The following KCNQ1 variants were observed in gnomAD, a reference collection of about 807,000 sequenced individuals.
The protein encoded by KCNQ1 is potassium voltage-gated channel subfamily KQT member 1.
In KCNQ1, 49 loss-of-function variants were observed where a neutral mutation model predicts 72.4. That is an observed-to-expected ratio of 0.68 (90% confidence interval 0.54 to 0.86). The LOEUF (loss-of-function observed/expected upper bound fraction) is 0.86, where lower values mean the gene tolerates loss of function less well. Ranked by LOEUF, KCNQ1 falls within the 40% of genes least tolerant of loss-of-function variation. The pLI is 0.00. For missense variants in KCNQ1, 790 were observed against 945.1 expected, an observed-to-expected ratio of 0.84 and a Z score of 2.15; for synonymous variants, 450 against 412.6, an observed-to-expected ratio of 1.09 and a Z score of -1.10.
rs182579244 is a variant in KCNQ1, at chr11:2,772,772, G to T, written c.1591-3188G>T. On this transcript the variant is annotated intron_variant, in intron 12 of 15. Coordinates refer to ENST00000155840, the MANE Select transcript of KCNQ1 (RefSeq NM_000218.3). The surrounding 1 kb of genome is among the most constrained non-coding windows in gnomAD (Gnocchi z 6.6). ...GTTTGGAAGCACTCGCATCTGCAGAGGCTGCTAACACACACACCTACACCC... is the reference window on the plus strand; with the variant it reads ...GTTTGGAAGCACTCGCATCTGCAGATGCTGCTAACACACACACCTACACCC... Among the ~76,000 whole-genome samples, 69 of 152,270 alleles carry T rather than the reference G, an allele frequency of 4.5e-4. No individual in the cohort carries two copies. The highest frequency in any genetic ancestry group is 1.6e-3 in the African/African-American group (66 of 41,554).
In KCNQ1 at chr11:2,563,693, C is replaced by T. The variant is rs1306466263; in HGVS notation, c.478-6935C>T. Among the ~76,000 whole-genome samples, 1 of 152,080 alleles carries T rather than the reference C, an allele frequency of 6.6e-6. No individual in the cohort carries two copies. Among genetic ancestry groups the T allele is most frequent in the Non-Finnish European group, 1.5e-5 (1 of 68,020 alleles). On this transcript the variant is annotated intron_variant, in intron 2 of 15. Transcript: ENST00000155840. The surrounding 1 kb of genome is among the most constrained non-coding windows in gnomAD (Gnocchi z 7.4). ...CCCCCGTGAAGGATGGCACCGAGCACCATTCAACATAAGTCTTGTCAGCGT... is the reference window on the plus strand; with the variant it reads ...CCCCCGTGAAGGATGGCACCGAGCATCATTCAACATAAGTCTTGTCAGCGT...
chr11:2,675,281 CA>C, intron 11 of KCNQ1: 1 of 398,546 alleles, frequency 2.5e-6, no homozygotes, highest in South Asian at 1.3e-4. Flanking sequence ...TCACCTCTCC[CA>C]AAAGCAGAGT....
intron 11 of KCNQ1, chr11:2,667,176 C>T (rs1281789894): frequency 7.5e-6 from 3 of 398,690 alleles, no homozygotes; most frequent in Non-Finnish European, 1.3e-5. Context: ...TTCCAGCCTG[C>T]CATCAGCCCA....
chr11:2,596,910 A>C (rs1313172181), intron 10 of KCNQ1, among the ~76,000 whole-genome samples: 3 of 151,756 alleles, frequency 2.0e-5, no homozygotes, highest in Non-Finnish European at 4.4e-5. Flanking sequence ...TTGCATAGCA[A>C]AAAAACATAC....
Position 2,678,349 on chromosome 11 carries a change from C to T in KCNQ1, c.1514+16268C>T, listed in dbSNP as rs533367377. 16 of 398,448 alleles carry T rather than the reference C, an allele frequency of 4.0e-5. No homozygotes were observed. The highest frequency in any genetic ancestry group is 8.2e-5 in the African/African-American group (4 of 48,724). 24.7% of individuals were successfully genotyped at this position (398,448 alleles called of 1,614,324 possible). Reference sequence around the variant, plus strand: ...TTTTACATTTAAATCCTTGCTTTATCGGGATTTTGACAGAGTAATTAAATC... The same window carrying T: ...TTTTACATTTAAATCCTTGCTTTATTGGGATTTTGACAGAGTAATTAAATC... On this transcript the variant is annotated intron_variant, in intron 11 of 15. Transcript: ENST00000155840. The surrounding 1 kb of genome is among the most constrained non-coding windows in gnomAD (Gnocchi z 4.9).
In KCNQ1 at chr11:2,603,466, C is replaced by G. The variant is rs1194976379; in HGVS notation, c.1393+14612C>G. ...TCCCCAGAGCTGTGCAACTGCCACTCCAGTTTGAGAACATTTTTATCATTC... is the reference window on the plus strand; with the variant it reads ...TCCCCAGAGCTGTGCAACTGCCACTGCAGTTTGAGAACATTTTTATCATTC... On this transcript the variant is annotated intron_variant, in intron 10 of 15. Transcript: ENST00000155840. The surrounding 1 kb of genome is among the most constrained non-coding windows in gnomAD (Gnocchi z 4.1). 3.9e-5 allele frequency among the ~76,000 whole-genome samples: 6 copies of G among 152,130 alleles called. No homozygotes were observed. Among genetic ancestry groups the G allele is most frequent in the Admixed American group, 3.9e-4 (6 of 15,270 alleles).
At chr11:2,521,453 A>G (rs1227643105) in intron 1 of KCNQ1, 1 of 464,790 alleles carries the variant, frequency 2.2e-6, no homozygotes, top group Non-Finnish European at 4.5e-6. Flanking sequence ...CTCTTCAAGT[A>G]TTAACGTAAT....
chr11:2,536,440 A>G lies in KCNQ1; in HGVS notation c.477+8422A>G, dbSNP rs1847733348. On this transcript the variant is annotated intron_variant, in intron 2 of 15. Transcript: ENST00000155840. The surrounding 1 kb of genome is among the most constrained non-coding windows in gnomAD (Gnocchi z 7.4). ...GTGGAGGCTGGCGCTGCCCTGCCCC[A>G]CAGGGTGGCTGGCAGGGCTCAGCAG... 6.6e-6 allele frequency among the ~76,000 whole-genome samples: 1 copy of G among 151,882 alleles called. No individual in the cohort carries two copies.
rs574033590 is a variant in KCNQ1 at position 2,525,778 on chromosome 11, T to G, written c.387-2150T>G. Among the ~76,000 whole-genome samples the G allele has an allele frequency of 7.2e-5, 11 of 151,978 alleles. No individual in the cohort carries two copies. The South Asian group carries it at 2.1e-3, about 29-fold the overall frequency. ...GTAACCTCAGGGAGCAGAGGAAGGG[T>G]CATGGTGGTGGGGATGAAGCAGCAG... On this transcript the variant is annotated intron_variant, in intron 1 of 15. Transcript: ENST00000155840.
At chr11:2,533,078 C>T (rs969632422) in intron 2 of KCNQ1, among the ~76,000 whole-genome samples, 1 of 152,108 alleles carries the variant, frequency 6.6e-6, no homozygotes, top group African/African-American at 2.4e-5. Context: ...GTGCAGGACC[C>T]GCATGAGGGA....
chr11:2,554,744 T>C (rs1417312181), intron 2 of KCNQ1, among the ~76,000 whole-genome samples: 2 of 152,246 alleles, frequency 1.3e-5, no homozygotes, highest in Admixed American at 6.5e-5. Context: ...ACAAGTCTGC[T>C]TTTGACTCTC....
At chr11:2,688,534 T>G (rs1850532215) in intron 11 of KCNQ1, 2 of 398,700 alleles carry the variant, frequency 5.0e-6, no homozygotes, top group South Asian at 1.3e-4. Flanking sequence ...GCCAGGCCAG[T>G]GGCCCTAGTG....
rs2283220 is a variant in KCNQ1 at position 2,734,318 on chromosome 11, A to G, written c.1515-34526A>G. ...GGCCAAAAGGCGCCTAGAAGGCTGG[A>G]CTTTCCGTGAGGTGGCGGGGAGCAC... On this transcript the variant is annotated intron_variant, in intron 11 of 15. Transcript: ENST00000155840. This position sits in a 1 kb window ranked among gnomAD's most constrained non-coding sequence, Gnocchi z 7.0. Among the ~76,000 whole-genome samples the G allele has an allele frequency of 0.29, 44,661 of 152,046 alleles. 6,756 individuals are homozygous for G. The highest frequency in any genetic ancestry group is 0.36 in the Middle Eastern group (105 of 294).
intron 11 of KCNQ1, chr11:2,700,037 C>T (rs1024590648): frequency 1.0e-5 from 4 of 398,002 alleles, no homozygotes; most frequent in African/African-American, 2.1e-5. Context: ...CCGCCGCTGC[C>T]GACGTGGCGA....
rs902737732 is a variant in KCNQ1 at position 2,572,941 on chromosome 11, C to T, written c.876C>T (p.Gly292=). 6.2e-7 allele frequency: 1 copy of T among 1,613,804 alleles called. No homozygotes were observed. Among genetic ancestry groups the T allele is most frequent in the African/African-American group, 1.3e-5 (1 of 75,066 alleles). ...LAEKDAVNES[G]RVEFGSYADA... ...AGAAGGACGCGGTGAACGAGTCAGG[C>T]CGCGTGGAGTTCGGCAGCTACGCAG... Residue 292 remains glycine, a synonymous_variant, in exon 6 of 16, where the codon GGC becomes GGT. Transcript: ENST00000155840.
rs1023660480 is a variant in KCNQ1, at chr11:2,549,211, C to T, written c.477+21193C>T. Among the ~76,000 whole-genome samples, 11 of 152,166 alleles carry T rather than the reference C, an allele frequency of 7.2e-5. No individual in the cohort carries two copies. The highest frequency in any genetic ancestry group is 2.4e-4 in the African/African-American group (10 of 41,426). ...TTAGGTCCCCAGCACGTGCTAGTGG[C>T]CATCAGCAGGCTACAGCATCCAGCC... On this transcript the variant is annotated intron_variant, in intron 2 of 15. Coordinates refer to ENST00000155840, the MANE Select transcript of KCNQ1 (RefSeq NM_000218.3). This position sits in a 1 kb window ranked among gnomAD's most constrained non-coding sequence, Gnocchi z 6.2.
rs201718047 is a variant in KCNQ1 at position 2,584,042 on chromosome 11, TATA to T, written c.1032+500_1032+502del. Reference sequence around the variant, plus strand: ...ATAATATGTGTTTGTGTTGTGTGTGTATAATTTTATGTTACCTGTATACTATGG... The same window carrying T: ...ATAATATGTGTTTGTGTTGTGTGTGTATTTTATGTTACCTGTATACTATGG... On this transcript the variant is annotated intron_variant, in intron 7 of 15. Coordinates refer to ENST00000155840, the MANE Select transcript of KCNQ1 (RefSeq NM_000218.3). 7.6e-3 allele frequency among the ~76,000 whole-genome samples: 1,154 copies of T among 152,284 alleles called. 12 individuals are homozygous for T. The highest frequency in any genetic ancestry group is 0.026 in the African/African-American group (1,098 of 41,544).
chr11:2,812,219 G>A (rs1465327143), intron 15 of KCNQ1, among the ~76,000 whole-genome samples: 1 of 152,182 alleles, frequency 6.6e-6, no homozygotes, highest in East Asian at 1.9e-4. Context: ...GTCTAAGAAG[G>A]AAATGTGTCA....
chr11:2,812,952 C>T (rs985661146), intron 15 of KCNQ1, among the ~76,000 whole-genome samples: 75 of 152,374 alleles, frequency 4.9e-4, no homozygotes, highest in Non-Finnish European at 7.3e-5. Context: ...AAAGCTGCCC[C>T]CTCATGGCCT....
Sources: allele counts gnomAD v4.1 joint callset (sites outside exome capture counted in the v4.1 genomes callset), GRCh38; gene constraint gnomAD v4.1.1; non-coding constraint Gnocchi (gnomAD v3.1); transcripts MANE v1.5; gene names NCBI Gene and HGNC (gene_info 2026-07-23, HGNC 2026-07-21).